Variants in NF1 observed in about 807,000 individuals in gnomAD.
NF1 encodes the protein neurofibromin 1, also known as neurofibromin.
In NF1, 122 loss-of-function variants were observed where a neutral mutation model predicts 325.7. The observed-to-expected ratio is 0.37, with a 90% confidence interval of 0.32 to 0.44. The LOEUF (loss-of-function observed/expected upper bound fraction) is 0.44, where lower values mean the gene tolerates loss of function less well. Ranked by LOEUF, NF1 falls within the 20% of genes least tolerant of loss-of-function variation. The pLI is 1.00. For synonymous variants in NF1, 1,091 were observed against 1,186.0 expected (o/e 0.92, Z 1.65); for missense variants, 2,140 against 3,415.4 (o/e 0.63, Z 9.31).
At chr17:31,266,871 A>G (rs1362315616) in intron 36 of NF1, among the ~76,000 whole-genome samples, 3 of 151,882 alleles carry the variant, frequency 2.0e-5, no homozygotes, top group African/African-American at 4.8e-5. Flanking sequence ...CATGAAACCT[A>G]TTGAGTCTTG....
chr17:31,294,985 A>G (rs1311026212), intron 36 of NF1: 4 of 1,613,966 alleles, frequency 2.5e-6, no homozygotes, highest in Non-Finnish European at 3.4e-6. Flanking sequence ...GAGTGCTTTC[A>G]TTAGTTTCAG....
chr17:31,144,316 T>TA (rs1916437302), intron 1 of NF1, among the ~76,000 whole-genome samples: 1 of 152,222 alleles, frequency 6.6e-6, no homozygotes, highest in Non-Finnish European at 1.5e-5. Flanking sequence ...TTTTCTAACA[T>TA]ACAGCAACAA....
In NF1 at chr17:31,295,642, G is replaced by A. The variant is rs2068447712; in HGVS notation, c.4836-30178G>A. Reference sequence around the variant, plus strand: ...GTAAGTAAGTAATGTTTTGTTTGTGGTCACATGACCACCTGTTATTGTAAA... The same window carrying A: ...GTAAGTAAGTAATGTTTTGTTTGTGATCACATGACCACCTGTTATTGTAAA... On this transcript the variant is annotated intron_variant, in intron 36 of 57. Transcript: ENST00000358273. 4 of 1,613,972 alleles carry A rather than the reference G, an allele frequency of 2.5e-6. No homozygotes were observed. The African/African-American group carries it at 5.3e-5, about 22-fold the overall frequency.
At chr17:31,098,659 C>T (rs978766367) in intron 1 of NF1, among the ~76,000 whole-genome samples, 10 of 152,154 alleles carry the variant, frequency 6.6e-5, no homozygotes, top group South Asian at 2.1e-4. Context: ...GTTGGCCGGG[C>T]GCGGCGGCTC....
intron 1 of NF1, chr17:31,138,337 C>T (rs1177180968): frequency 1.3e-5 from 2 of 152,162 alleles, no homozygotes; most frequent in Non-Finnish European, 2.9e-5. Flanking sequence ...GATCTCAGCA[C>T]TCTGCAACCT....
chr17:31,135,025 A>G (rs1380002973), intron 1 of NF1, among the ~76,000 whole-genome samples: 3 of 152,142 alleles, frequency 2.0e-5, no homozygotes, highest in African/African-American at 7.2e-5. Context: ...TAAAGTTTTC[A>G]TGTCTTCTTG....
chr17:31,286,987 G>A (rs749567038), intron 36 of NF1, among the ~76,000 whole-genome samples: 30 of 152,206 alleles, frequency 2.0e-4, no homozygotes, highest in Non-Finnish European at 2.1e-4. Flanking sequence ...ATAATACAAA[G>A]TGAAAAACTG....
chr17:31,146,278 G>A (rs1484842858), intron 1 of NF1, among the ~76,000 whole-genome samples: 2 of 152,286 alleles, frequency 1.3e-5, no homozygotes, highest in East Asian at 1.9e-4. Context: ...CAACCCAGAT[G>A]TTTCCATTCC....
At chr17:31,284,975 C>T (rs1567874249) in intron 36 of NF1, among the ~76,000 whole-genome samples, 1 of 152,064 alleles carries the variant, frequency 6.6e-6, no homozygotes, top group South Asian at 2.1e-4. Flanking sequence ...CAAAAATTAG[C>T]CGGGCATGCT....
At chr17:31,132,210 G>A (rs896962177) in intron 1 of NF1, among the ~76,000 whole-genome samples, 1 of 152,084 alleles carries the variant, frequency 6.6e-6, no homozygotes, top group Admixed American at 6.5e-5. Context: ...AGGATTACAG[G>A]CGTGAGCCAC....
At chr17:31,330,993 C>T (rs1002488470) in intron 39 of NF1, 1 of 152,764 alleles carries the variant, frequency 6.5e-6, no homozygotes, top group Non-Finnish European at 1.5e-5. Flanking sequence ...TTAACTAAGT[C>T]TTATAAATTT....
chr17:31,266,749 G>A lies in NF1; in HGVS notation c.4835+1410G>A, dbSNP rs1162401585. On this transcript the variant is annotated intron_variant, in intron 36 of 57. Coordinates refer to ENST00000358273, the MANE Select transcript of NF1 (RefSeq NM_001042492.3). ...AAACAAAGCTGCGTTTTTTTTTTTC[G>A]GAATCAGAAACTGTTATATTTGTAT... Among the ~76,000 whole-genome samples, 4 of 137,514 alleles carry A rather than the reference G, an allele frequency of 2.9e-5. No homozygotes were observed. In the South Asian group the frequency reaches 7.2e-4, roughly 25 times the overall value. The allele number at this position is 137,514 out of a possible 152,430, so 90.2% of individuals were successfully genotyped here.
At chr17:31,205,763 A>AT (rs1353398813) in intron 11 of NF1, among the ~76,000 whole-genome samples, 1 of 152,154 alleles carries the variant, frequency 6.6e-6, no homozygotes, top group Non-Finnish European at 1.5e-5. Flanking sequence ...CTGTAAACAT[A>AT]TAAGTAATGG....
At chr17:31,304,862 GGGT>G (rs761934034) in intron 36 of NF1, 2 of 1,613,846 alleles carry the variant, frequency 1.2e-6, no homozygotes, top group South Asian at 1.1e-5. Flanking sequence ...CAAATGTCAG[GGGT>G]TTCTCCATCA....
chr17:31,156,465 T>C (rs1781890044), intron 2 of NF1, among the ~76,000 whole-genome samples: 1 of 152,234 alleles, frequency 6.6e-6, no homozygotes, highest in South Asian at 2.1e-4. Context: ...CCTACACGAA[T>C]TGACCACAGT....
intron 1 of NF1, among the ~76,000 whole-genome samples, chr17:31,145,772 A>C (rs1916544066): frequency 6.6e-6 from 1 of 152,200 alleles, no homozygotes; most frequent in Non-Finnish European, 1.5e-5. Context: ...AAGGGAGATG[A>C]AGTAAAGGGA....
chr17:31,272,775 A>C (rs2067926292), intron 36 of NF1: 1 of 152,260 alleles, frequency 6.6e-6, no homozygotes, highest in Admixed American at 6.5e-5. Flanking sequence ...TCTGTTTCAC[A>C]ATAATTATAT....
rs143086814 is a variant in NF1 at position 31,335,675 on chromosome 17, T to C, written c.6006+644T>C. Among the ~76,000 whole-genome samples the C allele has an allele frequency of 3.1e-3, 464 of 151,398 alleles. 3 individuals are homozygous for C. Among genetic ancestry groups the C allele is most frequent in the African/African-American group, 0.011 (449 of 41,304 alleles). On this transcript the variant is annotated intron_variant, in intron 40 of 57. Transcript: ENST00000358273. ...AAAACATCCTGGTACTTAATGTCATTTCCTATATTTTATTTTTTTTTGAGA... is the reference window on the plus strand; with the variant it reads ...AAAACATCCTGGTACTTAATGTCATCTCCTATATTTTATTTTTTTTTGAGA...
At chr17:31,223,658 C>A (rs2144018642) in intron 16 of NF1, 91 bp downstream of exon 16, 2 of 1,242,422 alleles carry the variant, frequency 1.6e-6, no homozygotes, top group Non-Finnish European at 2.3e-6. Context: ...AAATTAGGTT[C>A]TATTTCAGCT....
Sources: allele counts gnomAD v4.1 joint callset (sites outside exome capture counted in the v4.1 genomes callset), GRCh38; gene constraint gnomAD v4.1.1; transcripts MANE v1.5; gene names NCBI Gene and HGNC (gene_info 2026-07-23, HGNC 2026-07-21).